The following PARD3B variants were observed in gnomAD, a reference collection of about 807,000 sequenced individuals.
The protein encoded by PARD3B is par-3 family cell polarity regulator beta.
In PARD3B, 103 loss-of-function variants were observed where a neutral mutation model predicts 130.2. The observed-to-expected ratio is 0.79, with a 90% CI of 0.67 to 0.93. PARD3B has a LOEUF of 0.93. Among genes scored for constraint, PARD3B ranks in the 40% least tolerant of loss-of-function variants. The pLI, the probability that PARD3B is intolerant of heterozygous loss-of-function variation, is 0.00. For synonymous variants in PARD3B, 583 were observed against 553.2 expected (o/e 1.05, Z -0.76); for missense variants, 1,609 against 1,499.2 (o/e 1.07, Z -1.21).
chr2:204,653,183 C>G (rs2035539576), intron 1 of PARD3B, among the ~76,000 whole-genome samples: 1 of 150,354 alleles, frequency 6.7e-6, no homozygotes, highest in Non-Finnish European at 1.5e-5. Context: ...GGATTAGTAC[C>G]TGGGTGATGA....
chr2:205,209,308 G>A (rs1455603650), intron 15 of PARD3B, among the ~76,000 whole-genome samples: 1 of 151,306 alleles, frequency 6.6e-6, no homozygotes, highest in Non-Finnish European at 1.5e-5. Flanking sequence ...ACATAGGCAT[G>A]GGCAAGGACT....
chr2:205,040,388 A>G (rs917336335), intron 3 of PARD3B, among the ~76,000 whole-genome samples: 1 of 152,196 alleles, frequency 6.6e-6, no homozygotes, highest in Non-Finnish European at 1.5e-5. Context: ...AGCTTCTTTG[A>G]GGTGACAGTG....
chr2:204,689,880 C>T lies in PARD3B; in HGVS notation c.222+3598C>T, dbSNP rs1008951342. Among the ~76,000 whole-genome samples the T allele has an allele frequency of 2.0e-5, 3 of 152,094 alleles. No homozygotes were observed. The highest frequency in any genetic ancestry group is 3.2e-3 in the Middle Eastern group (1 of 316). The stretch of plus-strand genomic sequence containing the variant: ...GCGCTTGTATCTATAATTTCTATTA[C>T]GAAAATTCATCAGTCATAAATTAAC... On this transcript the variant is annotated intron_variant, in intron 2 of 22. Coordinates refer to ENST00000406610, the MANE Select transcript of PARD3B (RefSeq NM_001302769.2). The surrounding 1 kb of genome is among the most constrained non-coding windows in gnomAD (Gnocchi z 5.2).
In PARD3B at chr2:205,405,663, G is replaced by A. The variant is rs1267666414; in HGVS notation, c.2741+4540G>A. 6.6e-6 allele frequency among the ~76,000 whole-genome samples: 1 copy of A among 152,282 alleles called. No homozygotes were observed. Among genetic ancestry groups the A allele is most frequent in the East Asian group, 1.9e-4 (1 of 5,182 alleles). On this transcript the variant is annotated intron_variant, in intron 19 of 22. Coordinates refer to ENST00000406610, the MANE Select transcript of PARD3B (RefSeq NM_001302769.2). This position sits in a 1 kb window ranked among gnomAD's most constrained non-coding sequence, Gnocchi z 4.1. ...CCTGCTGAGCATCGGCGTTAGTGAT[G>A]GTGACCCGTTGATCAGATTGTGGTT...
chr2:205,505,930 G>A (rs1238374441), intron 21 of PARD3B, among the ~76,000 whole-genome samples: 1 of 152,110 alleles, frequency 6.6e-6, no homozygotes, highest in East Asian at 1.9e-4. Context: ...TTATAAAAGA[G>A]GTTTGTAGAC....
At chr2:204,798,954 C>T (rs985893017) in intron 2 of PARD3B, among the ~76,000 whole-genome samples, 6 of 151,888 alleles carry the variant, frequency 4.0e-5, no homozygotes, top group Admixed American at 6.6e-5. Context: ...AGCGCATTCC[C>T]GCCTTTCTTG....
chr2:204,613,815 C>T (rs1191476645), intron 1 of PARD3B, among the ~76,000 whole-genome samples: 1 of 151,952 alleles, frequency 6.6e-6, no homozygotes, highest in Non-Finnish European at 1.5e-5. Flanking sequence ...TTGAAGTTTT[C>T]TTCTGCTGTT....
intron 18 of PARD3B, among the ~76,000 whole-genome samples, chr2:205,391,839 G>A (rs1272778186): frequency 6.6e-6 from 1 of 151,756 alleles, no homozygotes; most frequent in Non-Finnish European, 1.5e-5. Flanking sequence ...TTAATTTCTG[G>A]CCTTTTTTTC....
At position 205,287,334 on chromosome 2, in the gene PARD3B, A is replaced by G. The variant is rs923629364; in HGVS notation, c.2186-13196A>G. Reference sequence around the variant, plus strand: ...TCCTGGCAACTAAAATGTTCAGAGGAACATCCACAAAGAAATGTAGCTGCA... The same window carrying G: ...TCCTGGCAACTAAAATGTTCAGAGGGACATCCACAAAGAAATGTAGCTGCA... On this transcript the variant is annotated intron_variant, in intron 16 of 22. Coordinates refer to ENST00000406610, the MANE Select transcript of PARD3B (RefSeq NM_001302769.2). The surrounding 1 kb of genome is among the most constrained non-coding windows in gnomAD (Gnocchi z 4.8). Among the ~76,000 whole-genome samples the G allele has an allele frequency of 2.0e-5, 3 of 152,216 alleles. No homozygotes were observed. Among genetic ancestry groups the G allele is most frequent in the Non-Finnish European group, 4.4e-5 (3 of 68,040 alleles).
intron 1 of PARD3B, among the ~76,000 whole-genome samples, chr2:204,667,898 G>T (rs757564039): frequency 2.0e-5 from 3 of 152,148 alleles, no homozygotes; most frequent in Non-Finnish European, 4.4e-5. Flanking sequence ...TGAAAGACTT[G>T]TGAAGATTTC....
At chr2:204,650,456 A>G (rs1013124362) in intron 1 of PARD3B, among the ~76,000 whole-genome samples, 3 of 152,216 alleles carry the variant, frequency 2.0e-5, no homozygotes, top group African/African-American at 7.2e-5. Context: ...GCAAATGTTC[A>G]TTGCAGCACT....
intron 20 of PARD3B, among the ~76,000 whole-genome samples, chr2:205,492,160 A>G (rs2049742126): frequency 6.6e-6 from 1 of 152,192 alleles, no homozygotes; most frequent in Non-Finnish European, 1.5e-5. Context: ...CTGCCGTTTT[A>G]TGTGACATTA....
intron 16 of PARD3B, among the ~76,000 whole-genome samples, chr2:205,283,406 T>A (rs1348482829): frequency 6.6e-6 from 1 of 152,188 alleles, no homozygotes; most frequent in East Asian, 1.9e-4. Flanking sequence ...TGCCTCAGCC[T>A]CCTGAGTAGC....
chr2:205,129,265 G>A (rs896641277), intron 10 of PARD3B, among the ~76,000 whole-genome samples: 14 of 152,198 alleles, frequency 9.2e-5, no homozygotes, highest in African/African-American at 3.4e-4. Flanking sequence ...ATAAGGAAAA[G>A]CACTCTTTTT....
intron 2 of PARD3B, among the ~76,000 whole-genome samples, chr2:204,854,823 C>T (rs922660035): frequency 6.6e-6 from 1 of 152,076 alleles, no homozygotes; most frequent in African/African-American, 2.4e-5. Context: ...GGGTTCATCA[C>T]TGCGCGCCAG....
chr2:205,540,010 A>C (rs1460240849), intron 21 of PARD3B, among the ~76,000 whole-genome samples: 1 of 152,174 alleles, frequency 6.6e-6, no homozygotes, highest in Non-Finnish European at 1.5e-5. Context: ...ATCACTACTC[A>C]GCTTGCAGGG....
chr2:205,295,896 C>A (rs2041772489), intron 16 of PARD3B, among the ~76,000 whole-genome samples: 1 of 152,034 alleles, frequency 6.6e-6, no homozygotes, highest in Non-Finnish European at 1.5e-5. Context: ...AAATGTAAGG[C>A]ATTGTTTGAA....
chr2:205,049,781 C>T (rs1699060844), intron 4 of PARD3B, among the ~76,000 whole-genome samples: 1 of 152,158 alleles, frequency 6.6e-6, no homozygotes, highest in Non-Finnish European at 1.5e-5. Flanking sequence ...GCCCAAAATC[C>T]TTGTGCCTTA....
chr2:205,103,909 G>A (rs1703009027), intron 4 of PARD3B: 1 of 221,144 alleles, frequency 4.5e-6, no homozygotes, highest in Non-Finnish European at 7.6e-6. Context: ...TATCCTCAGA[G>A]TCAAATTTCA....
Sources: allele counts gnomAD v4.1 joint callset (sites outside exome capture counted in the v4.1 genomes callset), GRCh38; gene constraint gnomAD v4.1.1; non-coding constraint Gnocchi (gnomAD v3.1); transcripts MANE v1.5; gene names NCBI Gene and HGNC (gene_info 2026-07-23, HGNC 2026-07-21).